SLC25A13: variants seen among roughly 807,000 people sequenced by gnomAD.
The protein encoded by SLC25A13 is electrogenic aspartate/glutamate antiporter SLC25A13, mitochondrial.
Under a neutral mutation model 85.5 loss-of-function variants are expected in SLC25A13, and 70 were observed. That is an observed-to-expected ratio of 0.82 (90% CI 0.68 to 1.00). The LOEUF (loss-of-function observed/expected upper bound fraction) is 1.00, where lower values mean the gene tolerates loss of function less well. Ranked by LOEUF, SLC25A13 falls within the 50% of genes least tolerant of loss-of-function variation. SLC25A13 has a pLI of 0.00. For synonymous variants in SLC25A13, 259 were observed against 288.7 expected (o/e 0.90, Z 1.04); for missense variants, 765 against 819.8 (o/e 0.93, Z 0.82).
rs1792810695 is a variant in SLC25A13, at chr7:96,146,647, A to C, written c.1361T>G (p.Ile454Ser). 6.2e-7 allele frequency: 1 copy of C among 1,614,008 alleles called. No homozygotes were observed. Among genetic ancestry groups the C allele is most frequent in the African/African-American group, 1.3e-5 (1 of 74,894 alleles). The change falls in exon 14 of 18, where the codon ATC (isoleucine) becomes AGC (serine). Residue 454 changes from isoleucine to serine, a missense_variant. Coordinates refer to ENST00000265631, the MANE Select transcript of SLC25A13 (RefSeq NM_014251.3). ...GATTTCTCCTGCCACTTGCAAACGGATCTTGACGATTTCTAAAGGATTTGT... is the reference window on the plus strand; with the variant it reads ...GATTTCTCCTGCCACTTGCAAACGGCTCTTGACGATTTCTAAAGGATTTGT... ...IFTNPLEIVK[I>S]RLQVAGEITT... is the part of the protein sequence containing the mutation.
At chr7:96,232,620 T>A (rs55857365) in intron 4 of SLC25A13, among the ~76,000 whole-genome samples, 2,762 of 122,420 alleles carry the variant, frequency 0.023, 78 homozygotes, top group African/African-American at 0.081. Context: ...AAAAAAATTT[T>A]AAAAAAAAGG....
At chr7:96,261,399 T>C (rs1584528516) in intron 3 of SLC25A13, among the ~76,000 whole-genome samples, 2 of 152,302 alleles carry the variant, frequency 1.3e-5, no homozygotes, top group Non-Finnish European at 2.9e-5. Flanking sequence ...AGTATCAAGG[T>C]TGTCTCAGAT....
intron 4 of SLC25A13, among the ~76,000 whole-genome samples, chr7:96,213,241 T>C (rs999553500): frequency 1.3e-5 from 2 of 152,216 alleles, no homozygotes; most frequent in Admixed American, 6.5e-5. Context: ...TATGGGTTCC[T>C]TGCATTTCTC....
intron 7 of SLC25A13, 77 bp downstream of exon 7, chr7:96,191,032 T>C: frequency 2.6e-6 from 4 of 1,513,832 alleles, no homozygotes; most frequent in Non-Finnish European, 3.7e-6. Flanking sequence ...AATAATAAAG[T>C]ACTAGTTGCC....
At chr7:96,178,262 G>A (rs191542862) in intron 11 of SLC25A13, among the ~76,000 whole-genome samples, 70 of 152,242 alleles carry the variant, frequency 4.6e-4, no homozygotes, top group Admixed American at 1.4e-3. Flanking sequence ...GAGTGGCCAG[G>A]GTGCCAAAGG....
intron 15 of SLC25A13, 95 bp downstream of exon 15, chr7:96,131,648 C>G: frequency 6.4e-7 from 1 of 1,557,012 alleles, no homozygotes; most frequent in Admixed American, 1.7e-5. Context: ...CTGTCAAGAA[C>G]TATCAGCAAA....
chr7:96,177,504 C>T (rs1448564387), intron 11 of SLC25A13, among the ~76,000 whole-genome samples: 1 of 152,210 alleles, frequency 6.6e-6, no homozygotes, highest in Non-Finnish European at 1.5e-5. Context: ...TCTGACTTTG[C>T]TATTTGTTAG....
intron 3 of SLC25A13, among the ~76,000 whole-genome samples, chr7:96,239,845 A>G (rs1166654262): frequency 6.6e-6 from 1 of 152,258 alleles, no homozygotes; most frequent in East Asian, 1.9e-4. Flanking sequence ...GAAGCCATTT[A>G]TAACAGTAGC....
chr7:96,171,536 C>A lies in SLC25A13; in HGVS notation c.1178-12G>T. 2.5e-6 allele frequency: 4 copies of A among 1,607,152 alleles called. No homozygotes were observed. The highest frequency in any genetic ancestry group is 3.4e-6 in the Non-Finnish European group (4 of 1,173,912). On this transcript the variant is annotated splice_polypyrimidine_tract_variant and intron_variant, in intron 11 of 17. Coordinates refer to ENST00000265631, the MANE Select transcript of SLC25A13 (RefSeq NM_014251.3). ...CTGTGGCAACAGACCTAAAAATCAACAAAAAGTAGAAGTATATTAAATAAA... is the reference window on the plus strand; with the variant it reads ...CTGTGGCAACAGACCTAAAAATCAAAAAAAAGTAGAAGTATATTAAATAAA...
At chr7:96,318,586 T>C (rs996749615) in intron 1 of SLC25A13, among the ~76,000 whole-genome samples, 21 of 152,154 alleles carry the variant, frequency 1.4e-4, no homozygotes, top group African/African-American at 3.9e-4. Context: ...TCTTGAACCA[T>C]TAACTAGTAA....
intron 1 of SLC25A13, among the ~76,000 whole-genome samples, chr7:96,301,110 C>T (rs1417847413): frequency 6.6e-6 from 1 of 152,164 alleles, no homozygotes; most frequent in Admixed American, 6.5e-5. Context: ...AAAAAGGAAG[C>T]CACAGAAATG....
chr7:96,223,394 G>A (rs1251159197), intron 4 of SLC25A13, among the ~76,000 whole-genome samples: 1 of 152,186 alleles, frequency 6.6e-6, no homozygotes, highest in Non-Finnish European at 1.5e-5. Context: ...CATAATGCAA[G>A]AAAACATTTG....
chr7:96,145,253 T>C (rs548002931), intron 14 of SLC25A13, among the ~76,000 whole-genome samples: 1 of 152,234 alleles, frequency 6.6e-6, no homozygotes, highest in African/African-American at 2.4e-5. Context: ...TCACTTTATA[T>C]TCAATCTTCA....
At position 96,121,323 on chromosome 7, in the gene SLC25A13, C is replaced by T. The variant is rs764388459; in HGVS notation, c.1896G>A (p.Pro632=). ...VPKSRINLPA[P]NPDHVGGYKL... ...TGTAGCCCCCAACGTGATCAGGATTCGGGGCAGGCAGGTTGATCCTGGATT... is the reference window on the plus strand; with the variant it reads ...TGTAGCCCCCAACGTGATCAGGATTTGGGGCAGGCAGGTTGATCCTGGATT... The change falls in exon 18 of 18, where the codon CCG becomes CCA. Residue 632 remains proline, a synonymous_variant. Coordinates refer to ENST00000265631, the MANE Select transcript of SLC25A13 (RefSeq NM_014251.3). 15 of 1,614,018 alleles carry T rather than the reference C, an allele frequency of 9.3e-6. No homozygotes were observed. In the East Asian group the frequency reaches 2.0e-4, roughly 22 times the overall value.
chr7:96,137,374 T>C (rs912188535), intron 14 of SLC25A13, among the ~76,000 whole-genome samples: 6 of 152,246 alleles, frequency 3.9e-5, no homozygotes, highest in African/African-American at 1.2e-4. Flanking sequence ...TTTAGGGATA[T>C]GGGTTCTCCT....
intron 2 of SLC25A13, among the ~76,000 whole-genome samples, chr7:96,293,150 C>G (rs372779599): frequency 1.3e-5 from 2 of 152,088 alleles, no homozygotes; most frequent in Non-Finnish European, 2.9e-5. Context: ...TCTGATCTTT[C>G]ACAAACCTGA....
intron 5 of SLC25A13, among the ~76,000 whole-genome samples, chr7:96,198,584 G>C (rs1372348757): frequency 6.6e-6 from 1 of 152,154 alleles, no homozygotes; most frequent in Non-Finnish European, 1.5e-5. Context: ...GTTCAGAGAG[G>C]TCAGGTAACT....
At chr7:96,306,996 T>C (rs1432302440) in intron 1 of SLC25A13, 3 of 821,572 alleles carry the variant, frequency 3.7e-6, no homozygotes, top group Non-Finnish European at 4.0e-6. Flanking sequence ...CCCTTTGCCA[T>C]GAGTCTGCGG....
In SLC25A13 at chr7:96,145,890, A is replaced by G. The variant is rs1792764113; in HGVS notation, c.1452+666T>C. ...TAAGTAGACATTTTATTTTTCTCCC[A>G]TATCCCTAAAGGTTTACTTAGTCAA... On this transcript the variant is annotated intron_variant, in intron 14 of 17. Transcript: ENST00000265631. 2.6e-5 allele frequency among the ~76,000 whole-genome samples: 4 copies of G among 152,218 alleles called. No individual in the cohort carries two copies. In the South Asian group the frequency reaches 8.3e-4, roughly 31 times the overall value.
Sources: allele counts gnomAD v4.1 joint callset (sites outside exome capture counted in the v4.1 genomes callset), GRCh38; gene constraint gnomAD v4.1.1; transcripts MANE v1.5; gene names NCBI Gene and HGNC (gene_info 2026-07-23, HGNC 2026-07-21).